The following TFRC variants were observed in gnomAD, a reference collection of about 807,000 sequenced individuals.
The protein encoded by TFRC is transferrin receptor.
TFRC carries 35 observed loss-of-function variants against 85.8 expected under a neutral mutation model. The ratio of observed to expected loss-of-function variants is 0.41; its 90% CI spans 0.31 to 0.54. The LOEUF (loss-of-function observed/expected upper bound fraction) is 0.54. TFRC is among the 20% of genes least tolerant of loss of function. The probability of loss-of-function intolerance (pLI) is 0.31; values close to 1 mark genes in which losing one functional copy is unlikely to be tolerated. For synonymous variants in TFRC, 362 were observed against 328.6 expected, an observed-to-expected ratio of 1.10 and a Z score of -1.10; for missense variants, 828 against 921.5, an observed-to-expected ratio of 0.90 and a Z score of 1.31.
intron 17 of TFRC, among the ~76,000 whole-genome samples, chr3:196,054,862 T>G (rs1295087038): frequency 3.9e-5 from 6 of 152,206 alleles, no homozygotes; most frequent in African/African-American, 1.4e-4. Context: ...CTGCTCTGGA[T>G]TCTGAAACAC....
chr3:196,061,869 A>G (rs1033996740), intron 13 of TFRC, among the ~76,000 whole-genome samples: 1 of 152,222 alleles, frequency 6.6e-6, no homozygotes, highest in Non-Finnish European at 1.5e-5. Context: ...CATTCGTAAC[A>G]GTTCCTAATG....
intron 1 of TFRC, among the ~76,000 whole-genome samples, chr3:196,077,764 AAAGT>A (rs1214564121): frequency 4.6e-5 from 7 of 152,240 alleles, no homozygotes; most frequent in African/African-American, 1.7e-4. Flanking sequence ...AAAAAAAAAG[AAAGT>A]GACACATACA....
chr3:196,071,855 G>T (rs1718235746), intron 5 of TFRC, 148 bp downstream of exon 5: 1 of 835,146 alleles, frequency 1.2e-6, no homozygotes, highest in Admixed American at 2.9e-5. Flanking sequence ...AGTGAGCAGA[G>T]ATTGTGCCAC....
At chr3:196,054,324 A>T (rs566181690) in intron 17 of TFRC, among the ~76,000 whole-genome samples, 1 of 152,096 alleles carries the variant, frequency 6.6e-6, no homozygotes, top group Non-Finnish European at 1.5e-5. Flanking sequence ...AGAATCGCTT[A>T]AAGCCGGGAG....
intron 16 of TFRC, among the ~76,000 whole-genome samples, chr3:196,056,238 C>T (rs1716784436): frequency 6.6e-6 from 1 of 152,172 alleles, no homozygotes; most frequent in Admixed American, 6.5e-5. Flanking sequence ...GGCACGTTAC[C>T]CAGGCTGGTC....
At chr3:196,076,978 T>C in intron 2 of TFRC, 86 bp downstream of exon 2, 2 of 1,237,916 alleles carry the variant, frequency 1.6e-6, no homozygotes, top group Non-Finnish European at 2.4e-6. Context: ...TAGATTGGGG[T>C]TATTATTTCA....
chr3:196,073,412 C>A (rs1481626908), intron 4 of TFRC, among the ~76,000 whole-genome samples: 1 of 151,968 alleles, frequency 6.6e-6, no homozygotes, highest in East Asian at 1.9e-4. Context: ...CGTATTCCAG[C>A]CTCCACCAGA....
At chr3:196,073,560 G>A (rs1718409894) in intron 4 of TFRC, among the ~76,000 whole-genome samples, 2 of 152,134 alleles carry the variant, frequency 1.3e-5, no homozygotes, top group Non-Finnish European at 2.9e-5. Flanking sequence ...GGCATGTGTT[G>A]CTTCCTAAAA....
chr3:196,058,857 C>T lies in TFRC; in HGVS notation c.1537-225G>A, dbSNP rs183923766. ...TATGGTGAGGAAAAAATGTTTTCTT[C>T]TTAATTAACATTTTAAAAGTGGGCC... On this transcript the variant is annotated intron_variant, in intron 14 of 18. Coordinates refer to ENST00000360110, the MANE Select transcript of TFRC (RefSeq NM_001128148.3). 12 of 306,512 alleles carry T rather than the reference C, an allele frequency of 3.9e-5. No homozygotes were observed. In the East Asian group the frequency reaches 7.6e-4, roughly 19 times the overall value. 19.0% of individuals were successfully genotyped at this position (306,512 alleles called of 1,614,324 possible).
At chr3:196,054,716 G>A (rs1444473378) in intron 17 of TFRC, among the ~76,000 whole-genome samples, 1 of 152,166 alleles carries the variant, frequency 6.6e-6, no homozygotes, top group Admixed American at 6.5e-5. Context: ...CTACGAGATG[G>A]AATCCTGCTA....
chr3:196,060,234 G>A lies in TFRC; in HGVS notation c.1482C>T (p.Phe494=). ...ACAACAGTGGGCTGGCAGAAACCTT[G>A]AAGTTGCTGGTACCTGAAAATAAAT... ...LDKAVLGTSN[F]KVSASPLLYT... is the part of the protein sequence containing the mutation. Residue 494 remains phenylalanine (F), a synonymous_variant, in exon 14 of 19, where the codon TTC becomes TTT. Coordinates refer to ENST00000360110, the MANE Select transcript of TFRC (RefSeq NM_001128148.3). 6.2e-7 allele frequency: 1 copy of A among 1,613,964 alleles called. No individual in the cohort carries two copies. The highest frequency in any genetic ancestry group is 2.2e-5 in the East Asian group (1 of 44,862).
chr3:196,070,845 C>T (rs534206129), intron 6 of TFRC, among the ~76,000 whole-genome samples: 4 of 150,824 alleles, frequency 2.7e-5, no homozygotes, highest in African/African-American at 9.7e-5. Context: ...ATCTCAGCTA[C>T]TCAAGAGGCT....
chr3:196,070,682 C>A (rs11718657), intron 6 of TFRC, among the ~76,000 whole-genome samples: 72,227 of 150,928 alleles, frequency 0.48, 19,081 homozygotes, highest in Non-Finnish European at 0.61. Flanking sequence ...GTAATCCCAG[C>A]ACTTTGGGAG....
intron 1 of TFRC, among the ~76,000 whole-genome samples, chr3:196,080,492 G>C (rs1027516618): frequency 6.6e-6 from 1 of 152,236 alleles, no homozygotes; most frequent in African/African-American, 2.4e-5. Flanking sequence ...GCCTGCCTTG[G>C]CCTCCCAAAG....
In TFRC at chr3:196,065,616, A is replaced by G; in HGVS notation, c.1041-16T>C. 1.3e-6 allele frequency: 2 copies of G among 1,590,342 alleles called. No individual in the cohort carries two copies. Among genetic ancestry groups the G allele is most frequent in the Non-Finnish European group, 1.7e-6 (2 of 1,173,550 alleles). On this transcript the variant is annotated splice_polypyrimidine_tract_variant and intron_variant, in intron 9 of 18. Transcript: ENST00000360110. ...TTCCATATTCCTAGAATCAGAAAGC[A>G]GGCGTAAGTTCTGAGTTATTGTTCC...
In TFRC at chr3:196,065,425, G is replaced by GGGC; in HGVS notation, c.1198+17_1198+18insGCC. On this transcript the variant is annotated intron_variant, in intron 10 of 18. Transcript: ENST00000360110. ...ACAAAAAAAAAGCGGGGCGGGGGGG[G>GGGC]GGGGGGGCGGTCTTTACCTGGTTCT... 2 of 702,258 alleles carry GGGC rather than the reference G, an allele frequency of 2.8e-6. No individual in the cohort carries two copies. Among genetic ancestry groups the GGGC allele is most frequent in the South Asian group, 4.4e-5 (2 of 45,262 alleles). 43.5% of individuals were successfully genotyped at this position (702,258 alleles called of 1,614,324 possible). A position where few individuals can be genotyped will look rare whatever the true frequency, so the allele number is the denominator to read the frequency against.
chr3:196,060,932 T>A (rs987931158), intron 13 of TFRC, among the ~76,000 whole-genome samples: 1 of 151,880 alleles, frequency 6.6e-6, no homozygotes, highest in Non-Finnish European at 1.5e-5. Flanking sequence ...AGCAATTTCA[T>A]GTTTAACTTT....
intron 11 of TFRC, 180 bp from the exon 12 acceptor site, chr3:196,063,119 A>G (rs752070418): frequency 2.0e-5 from 11 of 538,164 alleles, no homozygotes; most frequent in Non-Finnish European, 2.3e-5. Flanking sequence ...GACCCCAGGT[A>G]AAAGAATAAA....
chr3:196,060,755 G>A (rs111710787), intron 13 of TFRC, among the ~76,000 whole-genome samples: 31 of 126,500 alleles, frequency 2.5e-4, no homozygotes, highest in African/African-American at 9.1e-4. Flanking sequence ...CTGGGATGGC[G>A]CCACTGCACT....
Sources: allele counts gnomAD v4.1 joint callset (sites outside exome capture counted in the v4.1 genomes callset), GRCh38; gene constraint gnomAD v4.1.1; transcripts MANE v1.5; gene names NCBI Gene and HGNC (gene_info 2026-07-23, HGNC 2026-07-21).